Variants in PRKN observed in about 807,000 individuals in gnomAD.
PRKN encodes E3 ubiquitin-protein ligase parkin.
In PRKN, 56 loss-of-function variants were observed where a neutral mutation model predicts 59.5. That is an observed-to-expected ratio of 0.94 (90% CI 0.76 to 1.18). The LOEUF is 1.18. Among genes scored for constraint, PRKN ranks in the 50% most tolerant of loss-of-function variants. PRKN has a pLI of 0.00. For synonymous variants in PRKN, 250 were observed against 222.1 expected (o/e 1.13, Z -1.12); for missense variants, 657 against 596.4 (o/e 1.10, Z -1.06).
chr6:161,845,786 A>G (rs1483279735), intron 6 of PRKN, among the ~76,000 whole-genome samples: 1 of 152,176 alleles, frequency 6.6e-6, no homozygotes, highest in Non-Finnish European at 1.5e-5. Flanking sequence ...GGACATTTGT[A>G]AAAGAGACCC....
At chr6:161,768,843 C>T (rs985604757) in intron 7 of PRKN, among the ~76,000 whole-genome samples, 2 of 152,146 alleles carry the variant, frequency 1.3e-5, no homozygotes, top group South Asian at 4.1e-4. Flanking sequence ...ACTAACAACC[C>T]AGTTAAAGCA....
chr6:162,098,778 G>A (rs1779849336), intron 4 of PRKN, among the ~76,000 whole-genome samples: 1 of 152,200 alleles, frequency 6.6e-6, no homozygotes, highest in South Asian at 2.1e-4. Context: ...GGGTTAACTT[G>A]TCCAGTACTC....
chr6:162,176,364 G>A (rs1783534068), intron 4 of PRKN, among the ~76,000 whole-genome samples: 1 of 152,204 alleles, frequency 6.6e-6, no homozygotes, highest in Admixed American at 6.5e-5. Flanking sequence ...ACTCAAATAA[G>A]TATAAAGAGC....
rs906244455 is a variant in PRKN, at chr6:161,529,367, C to T, written c.1083+19487G>A. On this transcript the variant is annotated intron_variant, in intron 9 of 11. Coordinates refer to ENST00000366898, the MANE Select transcript of PRKN (RefSeq NM_004562.3). The surrounding 1 kb of genome is among the most constrained non-coding windows in gnomAD (Gnocchi z 4.4). ...CACCAAGTTCACAGGCTTAGTGAGG[C>T]GAGTCACACATTAGCCCATCTGCTC... Among the ~76,000 whole-genome samples, 3 of 152,132 alleles carry T rather than the reference C, an allele frequency of 2.0e-5. No individual in the cohort carries two copies. Among genetic ancestry groups the T allele is most frequent in the African/African-American group, 7.2e-5 (3 of 41,418 alleles).
intron 6 of PRKN, among the ~76,000 whole-genome samples, chr6:161,817,582 T>C (rs779336134): frequency 9.2e-5 from 14 of 152,254 alleles, no homozygotes; most frequent in Non-Finnish European, 1.5e-4. Flanking sequence ...AAATGAAATA[T>C]TGTAAACCTA....
intron 1 of PRKN, among the ~76,000 whole-genome samples, chr6:162,554,565 A>G (rs1306384685): frequency 6.6e-6 from 1 of 151,688 alleles, no homozygotes; most frequent in East Asian, 1.9e-4. Flanking sequence ...GGTGGCAGAC[A>G]GGACAGATAA....
intron 2 of PRKN, among the ~76,000 whole-genome samples, chr6:162,305,700 C>G (rs1217468871): frequency 3.3e-5 from 5 of 152,120 alleles, no homozygotes; most frequent in Admixed American, 6.5e-5. Context: ...TCTAGTGTCT[C>G]TGTGTCACTA....
At position 161,396,864 on chromosome 6, in the gene PRKN, A is replaced by G. The variant is rs936161748; in HGVS notation, c.1084-9987T>C. Among the ~76,000 whole-genome samples the G allele has an allele frequency of 9.9e-5, 15 of 152,176 alleles. No homozygotes were observed. The highest frequency in any genetic ancestry group is 3.1e-4 in the African/African-American group (13 of 41,434). ...GCCAGCTTTGGAAAGAGGCCTGAAC[A>G]TGTTTGGGGACACCCTGCCAGCACA... On this transcript the variant is annotated intron_variant, in intron 9 of 11. Transcript: ENST00000366898. The surrounding 1 kb of genome is among the most constrained non-coding windows in gnomAD (Gnocchi z 5.4).
intron 4 of PRKN, among the ~76,000 whole-genome samples, chr6:162,181,096 C>A (rs906990282): frequency 6.6e-6 from 1 of 152,198 alleles, no homozygotes; most frequent in Non-Finnish European, 1.5e-5. Flanking sequence ...CATAACAATA[C>A]AAGCAAGTGA....
chr6:162,041,562 T>C (rs1784069514), intron 5 of PRKN, among the ~76,000 whole-genome samples: 1 of 152,240 alleles, frequency 6.6e-6, no homozygotes, highest in Non-Finnish European at 1.5e-5. Context: ...AGGTTGTTAC[T>C]GTGGTTTAGT....
At chr6:161,521,602 T>C (rs889158142) in intron 9 of PRKN, among the ~76,000 whole-genome samples, 1 of 152,218 alleles carries the variant, frequency 6.6e-6, no homozygotes, top group Non-Finnish European at 1.5e-5. Context: ...CTGCTACATT[T>C]TAAAGTATCC....
intron 7 of PRKN, among the ~76,000 whole-genome samples, chr6:161,651,861 TC>T (rs1220600262): frequency 2.6e-5 from 4 of 152,134 alleles, no homozygotes; most frequent in African/African-American, 9.7e-5. Context: ...CAAATGGAAA[TC>T]AAAGGTAATG....
intron 6 of PRKN, among the ~76,000 whole-genome samples, chr6:161,789,303 G>A (rs1790546917): frequency 1.3e-5 from 2 of 152,156 alleles, no homozygotes; most frequent in Non-Finnish European, 2.9e-5. Flanking sequence ...TTCGGGTTAG[G>A]TGGCTTGCTA....
At chr6:162,496,316 T>G (rs1372409229) in intron 1 of PRKN, among the ~76,000 whole-genome samples, 1 of 152,090 alleles carries the variant, frequency 6.6e-6, no homozygotes, top group African/African-American at 2.4e-5. Flanking sequence ...AAAAGTAAAT[T>G]TATACTTGCA....
intron 7 of PRKN, among the ~76,000 whole-genome samples, chr6:161,648,691 C>T (rs1784044957): frequency 6.6e-6 from 1 of 152,132 alleles, no homozygotes; most frequent in African/African-American, 2.4e-5. Context: ...TTGCAGAAAA[C>T]CTATTATTTG....
chr6:161,987,592 T>C (rs1277786198), intron 5 of PRKN, among the ~76,000 whole-genome samples: 1 of 152,242 alleles, frequency 6.6e-6, no homozygotes, highest in East Asian at 1.9e-4. Context: ...GAGTATATAG[T>C]TGTTACACTG....
chr6:162,408,298 A>T (rs913493045), intron 2 of PRKN, among the ~76,000 whole-genome samples: 13 of 152,170 alleles, frequency 8.5e-5, no homozygotes, highest in African/African-American at 3.1e-4. Flanking sequence ...TTCAGAAAAA[A>T]AAAACAAAAC....
At chr6:162,197,220 G>A (rs376423863) in intron 4 of PRKN, among the ~76,000 whole-genome samples, 4 of 152,274 alleles carry the variant, frequency 2.6e-5, no homozygotes, top group South Asian at 4.1e-4. Context: ...ACTTGGCAAA[G>A]TTTAGCACCT....
At position 161,980,375 on chromosome 6, in the gene PRKN, T is replaced by C. The variant is rs552863543; in HGVS notation, c.619-6958A>G. ...TTTCCACTAACAAGGTTGCAAAGGGTATAGGGTTTGTACTTAACACGTAAC... is the reference window on the plus strand; with the variant it reads ...TTTCCACTAACAAGGTTGCAAAGGGCATAGGGTTTGTACTTAACACGTAAC... On this transcript the variant is annotated intron_variant, in intron 5 of 11. Transcript: ENST00000366898. Among the ~76,000 whole-genome samples, 4 of 152,150 alleles carry C rather than the reference T, an allele frequency of 2.6e-5. No homozygotes were observed. In the South Asian group the frequency reaches 6.2e-4, roughly 24 times the overall value.
Sources: gnomAD v4.1 joint callset for allele counts (sites outside exome capture counted in the v4.1 genomes callset) on GRCh38, gnomAD v4.1.1 for gene constraint, Gnocchi (gnomAD v3.1) non-coding constraint, MANE v1.5 for transcripts, NCBI Gene and HGNC (gene_info 2026-07-23, HGNC 2026-07-21) for gene names.